The following KDM4C variants were observed in gnomAD, a reference collection of about 807,000 sequenced individuals.
KDM4C encodes lysine demethylase 4C, also known as lysine-specific demethylase 4C.
KDM4C carries 81 observed loss-of-function variants against 129.3 expected under a neutral mutation model. That is an observed-to-expected ratio of 0.63 (90% CI 0.52 to 0.75). KDM4C has a LOEUF of 0.75. Among genes scored for constraint, KDM4C ranks in the 30% least tolerant of loss-of-function variants. KDM4C has a pLI of 0.00. For synonymous variants in KDM4C, 573 were observed against 456.1 expected (o/e 1.26, Z -3.26); for missense variants, 1,457 against 1,304.0 (o/e 1.12, Z -1.81).
At chr9:7,037,182 T>G (rs1827801516) in intron 15 of KDM4C, among the ~76,000 whole-genome samples, 1 of 152,106 alleles carries the variant, frequency 6.6e-6, no homozygotes, top group Admixed American at 6.6e-5. Context: ...TATTTTACGG[T>G]TTTGTGTTTC....
chr9:6,963,153 C>T (rs1157625381), intron 8 of KDM4C, among the ~76,000 whole-genome samples: 1 of 152,156 alleles, frequency 6.6e-6, no homozygotes, highest in Non-Finnish European at 1.5e-5. Flanking sequence ...TTGTTAAATG[C>T]AGTGTACTTA....
chr9:7,089,328 T>C (rs1367074955), intron 17 of KDM4C, among the ~76,000 whole-genome samples: 1 of 152,208 alleles, frequency 6.6e-6, no homozygotes, highest in Non-Finnish European at 1.5e-5. Flanking sequence ...CAGAGCACCA[T>C]AGTGGCACAC....
At chr9:6,811,746 G>A (rs1831189017) in intron 3 of KDM4C, among the ~76,000 whole-genome samples, 1 of 152,132 alleles carries the variant, frequency 6.6e-6, no homozygotes. Context: ...GAGAAATTCA[G>A]CCCCGTGTCT....
intron 8 of KDM4C, among the ~76,000 whole-genome samples, chr9:6,928,395 T>G (rs921257766): frequency 6.6e-6 from 1 of 152,208 alleles, no homozygotes; most frequent in Admixed American, 6.5e-5. Context: ...AAGTCTGTCT[T>G]GTTTGTGCAT....
chr9:7,051,644 A>G (rs1407517035), intron 17 of KDM4C, among the ~76,000 whole-genome samples: 3 of 152,138 alleles, frequency 2.0e-5, no homozygotes, highest in Non-Finnish European at 2.9e-5. Flanking sequence ...TGCCTATTTC[A>G]TAAATATATA....
chr9:6,982,494 GTGTGAGTA>G (rs1218323810), intron 9 of KDM4C: 1 of 152,208 alleles, frequency 6.6e-6, no homozygotes, highest in Non-Finnish European at 1.5e-5. Context: ...CTCATGACAT[GTGTGAGTA>G]TGTGTGTATG....
intron 17 of KDM4C, among the ~76,000 whole-genome samples, chr9:7,084,831 A>T (rs1043713788): frequency 1.3e-5 from 2 of 152,198 alleles, no homozygotes; most frequent in East Asian, 1.9e-4. Context: ...GCAGTTCCTT[A>T]TAAAGATGAA....
At chr9:7,056,185 G>T (rs1229121216) in intron 17 of KDM4C, among the ~76,000 whole-genome samples, 1 of 152,142 alleles carries the variant, frequency 6.6e-6, no homozygotes, top group African/African-American at 2.4e-5. Context: ...TAAAGGAGGA[G>T]TAAGAGGTAC....
At chr9:6,993,936 G>GT (rs1563950092) in intron 12 of KDM4C, among the ~76,000 whole-genome samples, 1 of 151,778 alleles carries the variant, frequency 6.6e-6, no homozygotes, top group African/African-American at 2.4e-5. Context: ...ACTTTGCGAC[G>GT]TGAGTCTTCC....
At chr9:6,749,806 G>A (rs1003927142) in intron 1 of KDM4C, among the ~76,000 whole-genome samples, 1 of 151,326 alleles carries the variant, frequency 6.6e-6, no homozygotes, top group Non-Finnish European at 1.5e-5. Context: ...GACCAACATG[G>A]TGAAACCCTG....
chr9:6,975,058 A>G (rs529366263), intron 8 of KDM4C: 41 of 152,308 alleles, frequency 2.7e-4, no homozygotes, highest in African/African-American at 9.6e-4. Context: ...TGTCTATTTG[A>G]ACAGTGCTCT....
At chr9:7,154,823 T>G (rs899836460) in intron 19 of KDM4C, among the ~76,000 whole-genome samples, 1 of 152,176 alleles carries the variant, frequency 6.6e-6, no homozygotes, top group African/African-American at 2.4e-5. Flanking sequence ...CCAGTGTCCT[T>G]GTGAACAAGG....
intron 21 of KDM4C, 186 bp downstream of exon 21, chr9:7,170,076 T>A (rs1221552972): frequency 6.7e-7 from 1 of 1,498,434 alleles, no homozygotes; most frequent in South Asian, 1.3e-5. Flanking sequence ...TCGGGGAAAT[T>A]AATGCATGTG....
chr9:7,174,874 G>A lies in KDM4C; in HGVS notation c.*145G>A. On this transcript the variant is annotated 3_prime_UTR_variant, in exon 22 of 22. Coordinates refer to ENST00000381309, the MANE Select transcript of KDM4C (RefSeq NM_015061.6). ...GTGGTAAATCGGGTTTCCAGAGTTT[G>A]GTCACCAAAAATACAAAATACACCC... 2 of 641,184 alleles carry A rather than the reference G, an allele frequency of 3.1e-6. No individual in the cohort carries two copies. The highest frequency in any genetic ancestry group is 2.7e-6 in the Non-Finnish European group (1 of 373,376). The allele number at this position is 641,184 out of a possible 1,614,324, so 39.7% of individuals were successfully genotyped here. A position where few individuals can be genotyped will look rare whatever the true frequency, so the allele number is the denominator to read the frequency against.
At chr9:6,897,761 A>C (rs966778692) in intron 8 of KDM4C, among the ~76,000 whole-genome samples, 2 of 152,254 alleles carry the variant, frequency 1.3e-5, no homozygotes, top group Non-Finnish European at 2.9e-5. Flanking sequence ...TTGTAGTATT[A>C]ATGGAACGTA....
intron 21 of KDM4C, 177 bp downstream of exon 21, chr9:7,170,067 CG>C (rs1564205425): frequency 6.7e-7 from 1 of 1,503,484 alleles, no homozygotes; most frequent in Non-Finnish European, 9.0e-7. Flanking sequence ...CAACCAAAAT[CG>C]GGGAAATTAA....
rs575657249 is a variant in KDM4C at position 6,984,043 on chromosome 9, A to G, written c.1116-123A>G. ...ATTCAGTTGTGAACATTGACTTGGC[A>G]TAGTGATTAACAATGTCAGTTGTTT... On this transcript the variant is annotated intron_variant, in intron 9 of 21. Coordinates refer to ENST00000381309, the MANE Select transcript of KDM4C (RefSeq NM_015061.6). 4.1e-5 allele frequency: 26 copies of G among 638,842 alleles called. No homozygotes were observed. The Middle Eastern group carries it at 8.8e-4, about 22-fold the overall frequency. The allele number at this position is 638,842 out of a possible 1,614,324, so 39.6% of individuals were successfully genotyped here.
At chr9:6,724,694 C>A (rs1817065179) in intron 1 of KDM4C, among the ~76,000 whole-genome samples, 2 of 152,024 alleles carry the variant, frequency 1.3e-5, no homozygotes, top group African/African-American at 4.8e-5. Context: ...CAACGCCCAG[C>A]TAATTTTTGT....
intron 1 of KDM4C, among the ~76,000 whole-genome samples, chr9:6,786,394 C>G (rs1588254094): frequency 3.3e-5 from 5 of 152,132 alleles, no homozygotes. Flanking sequence ...TCTTAGGGTA[C>G]TTGCTATAAA....
Sources: allele counts gnomAD v4.1 joint callset (sites outside exome capture counted in the v4.1 genomes callset), GRCh38; gene constraint gnomAD v4.1.1; transcripts MANE v1.5; gene names NCBI Gene and HGNC (gene_info 2026-07-23, HGNC 2026-07-21).